KIF1B: variants seen among roughly 807,000 people sequenced by gnomAD.
KIF1B encodes kinesin-like protein KIF1B.
In KIF1B, 76 loss-of-function variants were observed where a neutral mutation model predicts 241.9. The observed-to-expected ratio is 0.31, with a 90% CI of 0.26 to 0.38. The LOEUF (loss-of-function observed/expected upper bound fraction) is 0.38, where lower values mean the gene tolerates loss of function less well. Ranked by LOEUF, KIF1B falls within the 10% of genes least tolerant of loss-of-function variation. The pLI is 1.00. For synonymous variants in KIF1B, 750 were observed against 796.7 expected, an observed-to-expected ratio of 0.94 and a Z score of 0.99; for missense variants, 1,622 against 2,271.4, an observed-to-expected ratio of 0.71 and a Z score of 5.81.
chr1:10,221,550 T>A (rs1162870152), intron 1 of KIF1B, among the ~76,000 whole-genome samples: 1 of 152,148 alleles, frequency 6.6e-6, no homozygotes, highest in Non-Finnish European at 1.5e-5. Flanking sequence ...TATCAGTATA[T>A]CCATTGTCAG....
At position 10,326,800 on chromosome 1, in the gene KIF1B, T is replaced by C. The variant is rs180681252; in HGVS notation, c.2924+441T>C. ...GGGCAGAGTGAGGCCAAGGTTTGGC[T>C]GAAGAATTTGTGGTACTGCAGGAGT... On this transcript the variant is annotated intron_variant, in intron 27 of 48. Transcript: ENST00000676179. The surrounding 1 kb of genome is among the most constrained non-coding windows in gnomAD (Gnocchi z 5.2). Among the ~76,000 whole-genome samples the C allele has an allele frequency of 2.2e-3, 330 of 152,296 alleles. 1 individual carries two copies. Among genetic ancestry groups the C allele is most frequent in the African/African-American group, 6.2e-3 (258 of 41,566 alleles).
intron 2 of KIF1B, among the ~76,000 whole-genome samples, chr1:10,237,443 G>C (rs922827236): frequency 6.6e-6 from 1 of 152,166 alleles, no homozygotes; most frequent in Non-Finnish European, 1.5e-5. Flanking sequence ...TCCATCAAGT[G>C]ACTGAACTGT....
In KIF1B at chr1:10,342,035, C is replaced by T; in HGVS notation, c.3514-15C>T. 2 of 1,476,548 alleles carry T rather than the reference C, an allele frequency of 1.4e-6. No homozygotes were observed. Among genetic ancestry groups the T allele is most frequent in the Non-Finnish European group, 1.9e-6 (2 of 1,055,760 alleles). 91.5% of individuals were successfully genotyped at this position (1,476,548 alleles called of 1,614,324 possible). A position where few individuals can be genotyped will look rare whatever the true frequency, so the allele number is the denominator to read the frequency against. On this transcript the variant is annotated splice_polypyrimidine_tract_variant and intron_variant, in intron 32 of 48. Transcript: ENST00000676179. ...TATTTTCTTGTAATCTTTTCCTAAT[C>T]TTGCTTGGCTTTAGATTGCAGTGGA...
rs181096541 is a variant in KIF1B, at chr1:10,275,622, G to A, written c.958+119G>A. On this transcript the variant is annotated intron_variant, in intron 11 of 48. Transcript: ENST00000676179. ...TCTAGATATTCATGTTACTACTTGA[G>A]TGTTCCTTGCCTGCTTTCATTTTTA... 1.5e-4 allele frequency: 111 copies of A among 759,360 alleles called. 1 individual carries two copies. Among genetic ancestry groups the A allele is most frequent in the Non-Finnish European group, 4.3e-5 (18 of 419,636 alleles). The allele number at this position is 759,360 out of a possible 1,614,324, so 47.0% of individuals were successfully genotyped here.
chr1:10,288,406 G>A (rs1649817674), intron 15 of KIF1B, among the ~76,000 whole-genome samples: 1 of 152,170 alleles, frequency 6.6e-6, no homozygotes, highest in Admixed American at 6.5e-5. Context: ...CATTTGTGGG[G>A]CGGCATGTGC....
Position 10,305,673 on chromosome 1 carries a change from G to T in KIF1B, c.2115+8427G>T. ...CTATTCTTTGGTTAGCATTAGTAAT[G>T]CTTGTAGACACTCAAACAAGGAAGG... On this transcript the variant is annotated intron_variant, in intron 22 of 48. Coordinates refer to ENST00000676179, the MANE Select transcript of KIF1B (RefSeq NM_001365951.3). 2.8e-6 allele frequency: 3 copies of T among 1,057,316 alleles called. No individual in the cohort carries two copies. In the South Asian group the frequency reaches 1.4e-4, roughly 48 times the overall value. The allele number at this position is 1,057,316 out of a possible 1,614,324, so 65.5% of individuals were successfully genotyped here.
At chr1:10,212,695 G>T (rs1374993688) in intron 1 of KIF1B, among the ~76,000 whole-genome samples, 1 of 151,704 alleles carries the variant, frequency 6.6e-6, no homozygotes, top group Non-Finnish European at 1.5e-5. Context: ...ACCACCCTGG[G>T]CAACAGAGTG....
Position 10,232,301 on chromosome 1 carries a change from CATAT to C in KIF1B, c.-18_-15del. Reference sequence around the variant, plus strand: ...GATTTGATTCTTTATTTCTGGACTGCATATATATATATAACAAGGCCATTAAAAT... The same window carrying C: ...GATTTGATTCTTTATTTCTGGACTGCATATATATAACAAGGCCATTAAAAT... On this transcript the variant is annotated 5_prime_UTR_variant, in exon 2 of 49. Coordinates refer to ENST00000676179, the MANE Select transcript of KIF1B (RefSeq NM_001365951.3). 7.0e-7 allele frequency: 1 copy of C among 1,432,500 alleles called. No homozygotes were observed. The highest frequency in any genetic ancestry group is 9.8e-7 in the Non-Finnish European group (1 of 1,020,994). 88.7% of individuals were successfully genotyped at this position (1,432,500 alleles called of 1,614,324 possible).
intron 31 of KIF1B, among the ~76,000 whole-genome samples, chr1:10,338,792 G>C (rs1207343534): frequency 2.6e-5 from 4 of 152,234 alleles, no homozygotes; most frequent in Non-Finnish European, 5.9e-5. Context: ...CACTGTGAAT[G>C]AGTTCACCTG....
At chr1:10,304,870 A>T in intron 22 of KIF1B, 1 of 1,396,504 alleles carries the variant, frequency 7.2e-7, no homozygotes, top group South Asian at 1.6e-5. Flanking sequence ...AAGCATCAAG[A>T]ACTCCTTTTT....
chr1:10,212,259 A>G (rs1339112757), intron 1 of KIF1B, among the ~76,000 whole-genome samples: 1 of 152,332 alleles, frequency 6.6e-6, no homozygotes, highest in East Asian at 1.9e-4. Flanking sequence ...GTTTAGTCAT[A>G]ACAAAATCTA....
rs768636898 is a variant in KIF1B, at chr1:10,374,967, A to G, written c.5210A>G (p.Lys1737Arg). ...TATGTCTTCATCTATAACAGTGACA[A>G]AGACCCTGTGGAGCGTGGAATCATT... is the stretch of plus-strand genomic sequence containing the variant. ...RPYVFIYNSDKDPVERGIINL... is the reference protein window; with the variant it reads ...RPYVFIYNSDRDPVERGIINL... Residue 1737 changes from lysine (K) to arginine (R), a missense_variant, in exon 47 of 49, where the codon AAA becomes AGA. Around this residue, in one of 7 missense-constraint regions of KIF1B, gnomAD observed 357 missense variants for 409.0 expected, o/e 0.87. Transcript: ENST00000676179. The surrounding 1 kb of genome is among the most constrained non-coding windows in gnomAD (Gnocchi z 4.3). The G allele has an allele frequency of 2.5e-6, 4 of 1,614,116 alleles. No homozygotes were observed. Among genetic ancestry groups the G allele is most frequent in the Admixed American group, 1.7e-5 (1 of 60,012 alleles).
chr1:10,219,902 T>C (rs1352953041), intron 1 of KIF1B, among the ~76,000 whole-genome samples: 5 of 151,242 alleles, frequency 3.3e-5, no homozygotes, highest in African/African-American at 1.2e-4. Flanking sequence ...ATCTCATCTC[T>C]ATTAAAGATA....
chr1:10,336,383 G>A (rs1215400424), intron 28 of KIF1B, among the ~76,000 whole-genome samples: 1 of 152,152 alleles, frequency 6.6e-6, no homozygotes, highest in Non-Finnish European at 1.5e-5. Context: ...TCCTGACCTC[G>A]TGATCTGCCC....
At chr1:10,282,296 T>A in intron 14 of KIF1B, 26 bp from the exon 15 acceptor site, 1 of 1,580,744 alleles carries the variant, frequency 6.3e-7, no homozygotes, top group Non-Finnish European at 8.7e-7. Context: ...CTACTTTTCC[T>A]GCCTTCTCTT....
At chr1:10,243,175 G>A (rs1280712844) in intron 2 of KIF1B, among the ~76,000 whole-genome samples, 1 of 152,188 alleles carries the variant, frequency 6.6e-6, no homozygotes, top group Non-Finnish European at 1.5e-5. Flanking sequence ...CCTGCACTTT[G>A]GGAGGCTGAG....
rs1638851135 is a variant in KIF1B at position 10,375,287 on chromosome 1, C to G, written c.5322C>G (p.His1774Gln). The change falls in exon 48 of 49, where the codon CAC (histidine) becomes CAG (glutamine). Residue 1774 changes from histidine to glutamine, a missense_variant. Physicochemically the swap from His to Gln is conservative, Grantham distance 24. Around this residue, in one of 7 missense-constraint regions of KIF1B, gnomAD observed 357 missense variants for 409.0 expected, o/e 0.87. Transcript: ENST00000676179. ...ACACCTTTGCTGTCTGCACAAAGCA[C>G]CGTGGGGTCCTTTTGCAGGCCCTCA... ...TPNTFAVCTK[H>Q]RGVLLQALND... is the part of the protein sequence containing the mutation. 1 of 1,614,216 alleles carries G rather than the reference C, an allele frequency of 6.2e-7. No individual in the cohort carries two copies. The highest frequency in any genetic ancestry group is 8.5e-7 in the Non-Finnish European group (1 of 1,180,034).
At position 10,337,209 on chromosome 1, in the gene KIF1B, T is replaced by C; in HGVS notation, c.3259+6T>C. 7 of 1,614,164 alleles carry C rather than the reference T, an allele frequency of 4.3e-6. No individual in the cohort carries two copies. The highest frequency in any genetic ancestry group is 5.9e-6 in the Non-Finnish European group (7 of 1,180,026). On this transcript the variant is annotated splice_donor_region_variant and intron_variant, in intron 30 of 48. Coordinates refer to ENST00000676179, the MANE Select transcript of KIF1B (RefSeq NM_001365951.3). The surrounding 1 kb of genome is among the most constrained non-coding windows in gnomAD (Gnocchi z 4.0). ...CAGTCGAATTAATGACTTGGGTATG[T>C]AGACATAGTTTACTGTGCTTGGGGA... is the stretch of plus-strand genomic sequence containing the variant.
rs796778699 is a variant in KIF1B, at chr1:10,229,692, T to TA, written c.-79-2548dup. On this transcript the variant is annotated intron_variant, in intron 1 of 48. Coordinates refer to ENST00000676179, the MANE Select transcript of KIF1B (RefSeq NM_001365951.3). ...TAACATGGTGAAACCCCATCTCTAC[T>TA]AAAAAAAAAATACAAAAAATTAGCC... Among the ~76,000 whole-genome samples the TA allele has an allele frequency of 2.0e-3, 285 of 144,120 alleles. 2 individuals carry two copies. The highest frequency in any genetic ancestry group is 5.3e-3 in the African/African-American group (209 of 39,180). 94.5% of individuals were successfully genotyped at this position (144,120 alleles called of 152,430 possible). A position where few individuals can be genotyped will look rare whatever the true frequency, so the allele number is the denominator to read the frequency against.
Sources: gnomAD v4.1 joint callset for allele counts (sites outside exome capture counted in the v4.1 genomes callset) on GRCh38, gnomAD v4.1.1 for gene constraint, gnomAD v4.1.1 regional missense constraint, Gnocchi (gnomAD v3.1) non-coding constraint, MANE v1.5 for transcripts, NCBI Gene and HGNC (gene_info 2026-07-23, HGNC 2026-07-21) for gene names.